PLCD3: variants seen among roughly 807,000 people sequenced by gnomAD.
PLCD3 encodes the protein phospholipase C delta 3.
Under a neutral mutation model 82.8 loss-of-function variants are expected in PLCD3, and 62 were observed. That is an observed-to-expected ratio of 0.75 (90% CI 0.61 to 0.93). The LOEUF (loss-of-function observed/expected upper bound fraction) is 0.93, where lower values mean the gene tolerates loss of function less well. Ranked by LOEUF, PLCD3 falls within the 40% of genes least tolerant of loss-of-function variation. The probability of loss-of-function intolerance (pLI) is 0.00; values close to 1 mark genes in which losing one functional copy is unlikely to be tolerated. For missense variants in PLCD3, 1,023 were observed against 1,103.4 expected (o/e 0.93, Z 1.03); for synonymous variants, 478 against 471.8 (o/e 1.01, Z -0.17).
Position 45,112,665 on chromosome 17 carries a change from G to A in PLCD3, c.2321C>T (p.Ser774Leu). Residue 774 changes from serine (S) to leucine (L), a missense_variant, in exon 15 of 15, where the codon TCA becomes TTA. Coordinates refer to ENST00000619929, the MANE Select transcript of PLCD3 (RefSeq NM_133373.5). ...GATGAAGAGCGTGGCTGGTGACAGT[G>A]AGGCCCCGTCCTTGGAAAGCAGGTG... is the stretch of plus-strand genomic sequence containing the variant. Reference protein sequence around the residue: ...HIHLLSKDGASLSPATLFIQI... With the variant: ...HIHLLSKDGALLSPATLFIQI... 6.2e-7 allele frequency: 1 copy of A among 1,607,352 alleles called. No individual in the cohort carries two copies. Among genetic ancestry groups the A allele is most frequent in the East Asian group, 2.2e-5 (1 of 44,668 alleles).
chr17:45,128,991 C>G (rs1229344476), intron 1 of PLCD3, among the ~76,000 whole-genome samples: 2 of 152,246 alleles, frequency 1.3e-5, no homozygotes, highest in Non-Finnish European at 2.9e-5. Context: ...AATTTTCTCT[C>G]AGCTACTTCC....
chr17:45,120,083 T>C (rs1393909864), intron 4 of PLCD3, among the ~76,000 whole-genome samples: 1 of 152,206 alleles, frequency 6.6e-6, no homozygotes, highest in Non-Finnish European at 1.5e-5. Flanking sequence ...TTTGGAGGGG[T>C]AGGAACTGAG....
Position 45,111,953 on chromosome 17 carries a change from G to C in PLCD3, c.*663C>G, listed in dbSNP as rs1484205434. On this transcript the variant is annotated 3_prime_UTR_variant, in exon 15 of 15. Coordinates refer to ENST00000619929, the MANE Select transcript of PLCD3 (RefSeq NM_133373.5). ...CTCAGGAGGCTGAGATGGGAGGATCGCTTGAGCCTGGGAGTTCAAAGCTGC... is the reference window on the plus strand; with the variant it reads ...CTCAGGAGGCTGAGATGGGAGGATCCCTTGAGCCTGGGAGTTCAAAGCTGC... The C allele has an allele frequency of 1.3e-5, 2 of 151,910 alleles. 1 individual carries two copies. The highest frequency in any genetic ancestry group is 4.9e-5 in the African/African-American group (2 of 40,908). The allele number at this position is 151,910 out of a possible 1,614,324, so 9.4% of individuals were successfully genotyped here. A position where few individuals can be genotyped will look rare whatever the true frequency, so the allele number is the denominator to read the frequency against.
chr17:45,132,468 G>C lies in PLCD3; in HGVS notation c.-58C>G. 9.2e-7 allele frequency: 1 copy of C among 1,091,882 alleles called. No individual in the cohort carries two copies. 67.6% of individuals were successfully genotyped at this position (1,091,882 alleles called of 1,614,324 possible). A position where few individuals can be genotyped will look rare whatever the true frequency, so the allele number is the denominator to read the frequency against. On this transcript the variant is annotated 5_prime_UTR_variant, in exon 1 of 15. Transcript: ENST00000619929. This position sits in a 1 kb window ranked among gnomAD's most constrained non-coding sequence, Gnocchi z 4.6. Reference sequence around the variant, plus strand: ...TCTGCACGCGGGGACAGGGCAGCGGGGCGCCGCTCTGGCCCGGCCCCGGCT... The same window carrying C: ...TCTGCACGCGGGGACAGGGCAGCGGCGCGCCGCTCTGGCCCGGCCCCGGCT...
chr17:45,120,184 C>A, intron 4 of PLCD3, 141 bp downstream of exon 4: 1 of 1,191,394 alleles, frequency 8.4e-7, no homozygotes, highest in Non-Finnish European at 1.2e-6. Context: ...CCAGATGTTG[C>A]CTTTGTGCAG....
intron 1 of PLCD3, among the ~76,000 whole-genome samples, chr17:45,123,312 C>T (rs965544861): frequency 6.6e-6 from 1 of 152,222 alleles, no homozygotes; most frequent in Non-Finnish European, 1.5e-5. Context: ...CTCAAGTGGA[C>T]ATTCTCCCTC....
In PLCD3 at chr17:45,118,807, C is replaced by T; in HGVS notation, c.913+8G>A. 1 of 1,597,160 alleles carries T rather than the reference C, an allele frequency of 6.3e-7. No individual in the cohort carries two copies. Among genetic ancestry groups the T allele is most frequent in the Non-Finnish European group, 8.6e-7 (1 of 1,169,556 alleles). ...GGTGCCACGACCTGGCCGTGCCACC[C>T]CCCCCACCTGTCTCGTTGAGCTCAT... On this transcript the variant is annotated splice_region_variant and intron_variant, in intron 5 of 14. Transcript: ENST00000619929. The surrounding 1 kb of genome is among the most constrained non-coding windows in gnomAD (Gnocchi z 4.1).
intron 3 of PLCD3, 135 bp from the exon 4 acceptor site, chr17:45,120,589 T>G: frequency 8.7e-6 from 10 of 1,144,292 alleles, no homozygotes; most frequent in Non-Finnish European, 1.2e-5. Context: ...GCCTGTGCAC[T>G]CCCCGAGCAC....
rs373566385 is a variant in PLCD3, at chr17:45,112,971, G to T, written c.2173C>A (p.Arg725=). 4.3e-6 allele frequency: 7 copies of T among 1,611,422 alleles called. No homozygotes were observed. The highest frequency in any genetic ancestry group is 1.3e-5 in the African/African-American group (1 of 74,992). Reference sequence around the variant, plus strand: ...CGGACCAGTGCCAGCTCCGGAGCCCGCAGCTGGAACTGCAGGGTCTGCCCC... The same window carrying T: ...CGGACCAGTGCCAGCTCCGGAGCCCTCAGCTGGAACTGCAGGGTCTGCCCC... ...RWGQTLQFQL[R]APELALVRFV... Residue 725 remains arginine, a synonymous_variant, in exon 14 of 15, where the codon CGG becomes AGG. Coordinates refer to ENST00000619929, the MANE Select transcript of PLCD3 (RefSeq NM_133373.5).
intron 1 of PLCD3, among the ~76,000 whole-genome samples, chr17:45,122,699 A>T (rs2054350806): frequency 6.6e-6 from 1 of 152,186 alleles, no homozygotes; most frequent in East Asian, 1.9e-4. Context: ...AGGTTTCTAC[A>T]GCGTGACCGA....
In PLCD3 at chr17:45,119,002, C is replaced by T; in HGVS notation, c.726G>A (p.Glu242=). The T allele has an allele frequency of 6.2e-7, 1 of 1,612,282 alleles. No individual in the cohort carries two copies. The highest frequency in any genetic ancestry group is 1.3e-5 in the African/African-American group (1 of 75,050). Residue 242 remains glutamate (E), a synonymous_variant, in exon 5 of 15, where the codon GAG becomes GAA. Coordinates refer to ENST00000619929, the MANE Select transcript of PLCD3 (RefSeq NM_133373.5). ...GCAGCCGCCGCAGGAACTCCTCGAT[C>T]TCAGCCCCCTCTAGACGGTCGTTGT... ...HSNNDRLEGA[E]IEEFLRRLLK... is the part of the protein sequence containing the mutation.
rs759326720 is a variant in PLCD3, at chr17:45,118,806, C to T, written c.913+9G>A. ...AGGTGCCACGACCTGGCCGTGCCAC[C>T]CCCCCCACCTGTCTCGTTGAGCTCA... On this transcript the variant is annotated intron_variant, in intron 5 of 14. Transcript: ENST00000619929. This position sits in a 1 kb window ranked among gnomAD's most constrained non-coding sequence, Gnocchi z 4.1. 2.5e-6 allele frequency: 4 copies of T among 1,594,278 alleles called. No homozygotes were observed. The highest frequency in any genetic ancestry group is 2.6e-6 in the Non-Finnish European group (3 of 1,167,864).
chr17:45,118,514 G>A lies in PLCD3; in HGVS notation c.914-22C>T. 3.7e-6 allele frequency: 6 copies of A among 1,612,904 alleles called. No homozygotes were observed. The highest frequency in any genetic ancestry group is 5.1e-6 in the Non-Finnish European group (6 of 1,179,356). On this transcript the variant is annotated intron_variant, in intron 5 of 14. Coordinates refer to ENST00000619929, the MANE Select transcript of PLCD3 (RefSeq NM_133373.5). The surrounding 1 kb of genome is among the most constrained non-coding windows in gnomAD (Gnocchi z 4.1). ...TTGGCTGCAGGGGTGGCAGGAGAGG[G>A]CATCAGGCCACATAGGGATCCCCCA...
rs1007597370 is a variant in PLCD3 at position 45,110,442 on chromosome 17, C to T, written c.*2174G>A. The T allele has an allele frequency of 3.5e-5, 2 of 57,398 alleles. No individual in the cohort carries two copies. The highest frequency in any genetic ancestry group is 5.9e-5 in the Non-Finnish European group (2 of 34,054). 3.6% of individuals were successfully genotyped at this position (57,398 alleles called of 1,614,324 possible). A position where few individuals can be genotyped will look rare whatever the true frequency, so the allele number is the denominator to read the frequency against. On this transcript the variant is annotated 3_prime_UTR_variant, in exon 15 of 15. Coordinates refer to ENST00000619929, the MANE Select transcript of PLCD3 (RefSeq NM_133373.5). ...CTGGGGGACGAGCAAGACTTTGTCTCAAAAGAAAAAAAAAAAAGACTCTTG... is the reference window on the plus strand; with the variant it reads ...CTGGGGGACGAGCAAGACTTTGTCTTAAAAGAAAAAAAAAAAAGACTCTTG...
Position 45,116,755 on chromosome 17 carries a change from C to T in PLCD3, c.1290G>A (p.Leu430=). 1 of 1,607,370 alleles carries T rather than the reference C, an allele frequency of 6.2e-7. No individual in the cohort carries two copies. Among genetic ancestry groups the T allele is most frequent in the Non-Finnish European group, 8.5e-7 (1 of 1,176,448 alleles). Residue 430 remains leucine, a synonymous_variant, in exon 8 of 15, where the codon CTG becomes CTA. Transcript: ENST00000619929. ...TLSPYPVILS[L]ENHCGLEQQA... Reference sequence around the variant, plus strand: ...GCTGCTCCAGCCCGCAGTGGTTCTCCAGGGATAGGATGACAGGGTAAGGGG... The same window carrying T: ...GCTGCTCCAGCCCGCAGTGGTTCTCTAGGGATAGGATGACAGGGTAAGGGG...
At chr17:45,115,006 C>G in intron 10 of PLCD3, 88 bp downstream of exon 10, 1 of 1,497,688 alleles carries the variant, frequency 6.7e-7, no homozygotes, top group Non-Finnish European at 8.9e-7. Context: ...CTTTACTGTC[C>G]CCCAAAGCCC....
chr17:45,126,070 G>A (rs2054379156), intron 1 of PLCD3, among the ~76,000 whole-genome samples: 1 of 145,408 alleles, frequency 6.9e-6, no homozygotes, highest in South Asian at 2.1e-4. Context: ...TTGAGATGGA[G>A]TCTCGCTCTG....
At position 45,115,118 on chromosome 17, in the gene PLCD3, CTT is replaced by C; in HGVS notation, c.1685_1686del (p.Lys562SerfsTer85). The C allele has an allele frequency of 6.2e-7, 1 of 1,601,586 alleles. No individual in the cohort carries two copies. Among genetic ancestry groups the C allele is most frequent in the African/African-American group, 1.3e-5 (1 of 74,788 alleles). ...PCQVSSLSER[K>X]AKKLIREAGN... ...CCTGCCTCCCGAATGAGTTTCTTGG[CTT>C]TGCGCTCGCTGAGGGAGCTGACCTG... On this transcript the variant is annotated frameshift_variant, in exon 10 of 15. Transcript: ENST00000619929. LOFTEE classifies it high-confidence loss of function.
intron 1 of PLCD3, among the ~76,000 whole-genome samples, chr17:45,131,360 G>A (rs2054442038): frequency 6.6e-6 from 1 of 152,168 alleles, no homozygotes; most frequent in African/African-American, 2.4e-5. Flanking sequence ...CTTCAGTGGC[G>A]CGGTCCTTTC....
Sources: allele counts gnomAD v4.1 joint callset (sites outside exome capture counted in the v4.1 genomes callset), GRCh38; gene constraint gnomAD v4.1.1; non-coding constraint Gnocchi (gnomAD v3.1); transcripts MANE v1.5; gene names NCBI Gene and HGNC (gene_info 2026-07-23, HGNC 2026-07-21).